Variants in KBTBD7 observed in about 807,000 individuals in gnomAD.
The protein encoded by KBTBD7 is kelch repeat and BTB domain-containing protein 7.
Under a neutral mutation model 50.3 loss-of-function variants are expected in KBTBD7, and 25 were observed. The ratio of observed to expected loss-of-function variants is 0.50; its 90% CI spans 0.36 to 0.69. The LOEUF is 0.69. KBTBD7 is among the 30% of genes least tolerant of loss of function. KBTBD7 has a pLI of 0.00. For synonymous variants in KBTBD7, 305 were observed against 325.3 expected (o/e 0.94, Z 0.67); for missense variants, 653 against 869.5 (o/e 0.75, Z 3.13).
At position 41,194,468 on chromosome 13, in the gene KBTBD7, CT is replaced by C; in HGVS notation, c.-212del. On this transcript the variant is annotated 5_prime_UTR_variant, in exon 1 of 1. Transcript: ENST00000379483. ...ACTCACCCTCTCTCACTCCCGCGCC[CT>C]TTCTCCGCCTCCGCTCGCCCTCACA... The C allele has an allele frequency of 1.5e-6, 1 of 651,920 alleles. No homozygotes were observed. The highest frequency in any genetic ancestry group is 2.6e-6 in the Non-Finnish European group (1 of 384,184). The allele number at this position is 651,920 out of a possible 1,614,324, so 40.4% of individuals were successfully genotyped here.
Position 41,193,335 on chromosome 13 carries a change from T to C in KBTBD7, c.923A>G (p.Tyr308Cys), listed in dbSNP as rs753566025. Residue 308 changes from tyrosine (Y) to cysteine (C), a missense_variant, in exon 1 of 1, where the codon TAC becomes TGC. Around this residue, in one of 3 missense-constraint regions of KBTBD7, gnomAD observed 526 missense variants for 717.1 expected, o/e 0.73. Transcript: ENST00000379483. The surrounding 1 kb of genome is among the most constrained non-coding windows in gnomAD (Gnocchi z 5.7). ...GTTTGGCACTGGCACCAGAGACTTG[T>C]ACAACAGGTCACCATAGCGCATCTG... is the stretch of plus-strand genomic sequence containing the variant. Reference protein sequence around the residue: ...ALQMRYGDLLYKSLVPVPNSS... With the variant: ...ALQMRYGDLLCKSLVPVPNSS... 1.9e-6 allele frequency: 3 copies of C among 1,611,504 alleles called. No homozygotes were observed. The highest frequency in any genetic ancestry group is 2.7e-5 in the African/African-American group (2 of 74,854).
chr13:41,192,757 G>T lies in KBTBD7; in HGVS notation c.1501C>A (p.His501Asn). Residue 501 changes from histidine to asparagine, a missense_variant, in exon 1 of 1, where the codon CAC becomes AAC. This residue lies in a region of KBTBD7 where 526 missense variants were observed against 717.1 expected (regional missense o/e 0.73). Transcript: ENST00000379483. ...SKRMLCYDPS[H>N]NMWLNCASLK... is the part of the protein sequence containing the mutation. ...GAAGCACAGTTCAGCCACATATTGTGGCTAGGATCATAGCAAAGCATGCGC... is the reference window on the plus strand; with the variant it reads ...GAAGCACAGTTCAGCCACATATTGTTGCTAGGATCATAGCAAAGCATGCGC... 6.2e-7 allele frequency: 1 copy of T among 1,614,148 alleles called. No individual in the cohort carries two copies. The highest frequency in any genetic ancestry group is 1.1e-5 in the South Asian group (1 of 91,084).
Position 41,192,158 on chromosome 13 carries a change from T to A in KBTBD7, c.*45A>T, listed in dbSNP as rs761716303. On this transcript the variant is annotated 3_prime_UTR_variant, in exon 1 of 1. Coordinates refer to ENST00000379483, the MANE Select transcript of KBTBD7 (RefSeq NM_032138.7). ...AAAAAGAAACGATATGTGTTTAAAA[T>A]ACATTCCGTAGCAGTAGAAACATCT... 1.0e-5 allele frequency: 16 copies of A among 1,530,944 alleles called. No individual in the cohort carries two copies. The Admixed American group carries it at 1.1e-4, about 10-fold the overall frequency. The allele number at this position is 1,530,944 out of a possible 1,614,324, so 94.8% of individuals were successfully genotyped here.
Position 41,192,287 on chromosome 13 carries a change from TC to T in KBTBD7, c.1970del (p.Gly657GlufsTer15). On this transcript the variant is annotated frameshift_variant, in exon 1 of 1. Coordinates refer to ENST00000379483, the MANE Select transcript of KBTBD7 (RefSeq NM_032138.7). LOFTEE classifies it high-confidence loss of function. ...CATCATCTGAAAAAGAACTTGAACT[TC>T]CTGACTCAGAGTCCAGCTCACTGAA... The part of the protein sequence containing the change: ...DGFSELDSES[G>X]SSSSFSDDEV... 1 of 1,614,178 alleles carries T rather than the reference TC, an allele frequency of 6.2e-7. No individual in the cohort carries two copies. Among genetic ancestry groups the T allele is most frequent in the South Asian group, 1.1e-5 (1 of 91,076 alleles).
At position 41,193,616 on chromosome 13, in the gene KBTBD7, TA is replaced by T; in HGVS notation, c.641del (p.Leu214GlnfsTer4). On this transcript the variant is annotated frameshift_variant, in exon 1 of 1. Coordinates refer to ENST00000379483, the MANE Select transcript of KBTBD7 (RefSeq NM_032138.7). LOFTEE classifies it high-confidence loss of function. This position sits in a 1 kb window ranked among gnomAD's most constrained non-coding sequence, Gnocchi z 5.7. Reference sequence around the variant, plus strand: ...GCAGCTGGGCCAGGGTTAGATCTGCTAGAGTCTCCTCCCGAATTGAACCCAT... The same window carrying T: ...GCAGCTGGGCCAGGGTTAGATCTGCTGAGTCTCCTCCCGAATTGAACCCAT... Reference protein sequence around the residue: ...SRMGSIREETLADLTLAQLLA... With the variant: ...SRMGSIREETXADLTLAQLLA... 6.2e-7 allele frequency: 1 copy of T among 1,614,226 alleles called. No individual in the cohort carries two copies. Among genetic ancestry groups the T allele is most frequent in the East Asian group, 2.2e-5 (1 of 44,880 alleles).
Position 41,192,871 on chromosome 13 carries a change from G to C in KBTBD7, c.1387C>G (p.Gln463Glu). 1.2e-6 allele frequency: 2 copies of C among 1,614,184 alleles called. No individual in the cohort carries two copies. The highest frequency in any genetic ancestry group is 1.7e-6 in the Non-Finnish European group (2 of 1,180,020). The change falls in exon 1 of 1, where the codon CAG (glutamine) becomes GAG (glutamate). Residue 463 changes from glutamine to glutamate, a missense_variant. Physicochemically the swap from Gln to Glu is conservative, Grantham distance 29. Coordinates refer to ENST00000379483, the MANE Select transcript of KBTBD7 (RefSeq NM_032138.7). ...GGGACAGGAGCCACCAATGCCCACT[G>C]GTTTCTCTGAACACTGTAGCATTCC... ...EVECYSVQRN[Q>E]WALVAPVPHS...
In KBTBD7 at chr13:41,193,463, C is replaced by T; in HGVS notation, c.795G>A (p.Val265=). 2.5e-6 allele frequency: 4 copies of T among 1,614,142 alleles called. No individual in the cohort carries two copies. Among genetic ancestry groups the T allele is most frequent in the Non-Finnish European group, 3.4e-6 (4 of 1,180,014 alleles). ...CTTCTTCAGTGAAGTGCATCCAGCG[C>T]ACGCACTTGAAGACTTCTGCAGCAC... ...GPSAAEVFKC[V]RWMHFTEEDQ... The change falls in exon 1 of 1, where the codon GTG becomes GTA. Residue 265 remains valine, a synonymous_variant. Coordinates refer to ENST00000379483, the MANE Select transcript of KBTBD7 (RefSeq NM_032138.7). This position sits in a 1 kb window ranked among gnomAD's most constrained non-coding sequence, Gnocchi z 5.7.
Position 41,193,829 on chromosome 13 carries a change from G to A in KBTBD7, c.429C>T (p.Arg143=). 2 of 1,614,138 alleles carry A rather than the reference G, an allele frequency of 1.2e-6. No individual in the cohort carries two copies. The highest frequency in any genetic ancestry group is 2.2e-5 in the South Asian group (2 of 91,078). ...RVSLSEANVQ[R]LYAASDMLQL... is the part of the protein sequence containing the mutation. Reference sequence around the variant, plus strand: ...GTAGCATGTCGGAGGCCGCGTACAGGCGCTGCACATTGGCCTCACTGAGAG... The same window carrying A: ...GTAGCATGTCGGAGGCCGCGTACAGACGCTGCACATTGGCCTCACTGAGAG... Residue 143 remains arginine, a synonymous_variant, in exon 1 of 1, where the codon CGC becomes CGT. Transcript: ENST00000379483. The surrounding 1 kb of genome is among the most constrained non-coding windows in gnomAD (Gnocchi z 5.7).
rs1206275963 is a variant in KBTBD7 at position 41,191,552 on chromosome 13, C to CTTTTTTTTTTTT, written c.*639_*650dup. On this transcript the variant is annotated 3_prime_UTR_variant, in exon 1 of 1. Coordinates refer to ENST00000379483, the MANE Select transcript of KBTBD7 (RefSeq NM_032138.7). Reference sequence around the variant, plus strand: ...TAAAACAGTGGAATCCTGATTTTTTCTTTTTTTTTTTTTTTTTTTTTACTT... The same window carrying CTTTTTTTTTTTT: ...TAAAACAGTGGAATCCTGATTTTTTCTTTTTTTTTTTTTTTTTTTTTTTTTTTTTTTTTACTT... 1.2e-4 allele frequency: 6 copies of CTTTTTTTTTTTT among 50,826 alleles called. No homozygotes were observed. The highest frequency in any genetic ancestry group is 4.0e-4 in the East Asian group (1 of 2,478). The allele number at this position is 50,826 out of a possible 1,614,324, so 3.1% of individuals were successfully genotyped here.
At position 41,193,179 on chromosome 13, in the gene KBTBD7, T is replaced by G; in HGVS notation, c.1079A>C (p.Asp360Ala). The G allele has an allele frequency of 6.2e-7, 1 of 1,613,896 alleles. No individual in the cohort carries two copies. Among genetic ancestry groups the G allele is most frequent in the Non-Finnish European group, 8.5e-7 (1 of 1,179,960 alleles). The change falls in exon 1 of 1, where the codon GAC becomes GCC. Residue 360 changes from aspartate to alanine, a missense_variant. Around this residue, in one of 3 missense-constraint regions of KBTBD7, gnomAD observed 526 missense variants for 717.1 expected, o/e 0.73. Coordinates refer to ENST00000379483, the MANE Select transcript of KBTBD7 (RefSeq NM_032138.7). This position sits in a 1 kb window ranked among gnomAD's most constrained non-coding sequence, Gnocchi z 5.7. ...TGTGTAAATGTCCCCCGAGTAAGGG[T>G]CATAGCAGAGAAAGGGATCTCTAGG... ...GHPRDPFLCY[D>A]PYSGDIYTMP...
rs2031403504 is a variant in KBTBD7, at chr13:41,192,120, C to CT, written c.*82dup. On this transcript the variant is annotated 3_prime_UTR_variant, in exon 1 of 1. Transcript: ENST00000379483. The stretch of plus-strand genomic sequence containing the variant: ...AAACCAAATCTGTGGTCCTAATCAA[C>CT]TTTTTTTCCAAGAAAAAGAAACGAT... 2.5e-5 allele frequency: 35 copies of CT among 1,421,904 alleles called. No individual in the cohort carries two copies. The highest frequency in any genetic ancestry group is 6.7e-5 in the Admixed American group (3 of 44,720). 88.1% of individuals were successfully genotyped at this position (1,421,904 alleles called of 1,614,324 possible). A position where few individuals can be genotyped will look rare whatever the true frequency, so the allele number is the denominator to read the frequency against.
In KBTBD7 at chr13:41,193,501, C is replaced by T. The variant is rs1421430967; in HGVS notation, c.757G>A (p.Glu253Lys). 7 of 1,614,230 alleles carry T rather than the reference C, an allele frequency of 4.3e-6. No homozygotes were observed. Among genetic ancestry groups the T allele is most frequent in the Non-Finnish European group, 5.9e-6 (7 of 1,180,052 alleles). Residue 253 changes from glutamate to lysine, a missense_variant, in exon 1 of 1, where the codon GAG becomes AAG. Physicochemically the swap from Glu to Lys is moderately conservative, Grantham distance 56. Around this residue, in one of 3 missense-constraint regions of KBTBD7, gnomAD observed 526 missense variants for 717.1 expected, o/e 0.73. Coordinates refer to ENST00000379483, the MANE Select transcript of KBTBD7 (RefSeq NM_032138.7). The surrounding 1 kb of genome is among the most constrained non-coding windows in gnomAD (Gnocchi z 5.7). ...ACTTCTGCAGCACTGGGACCCCGCTCTTTGGCAGCAGCCTCCAGCCACTGC... is the reference window on the plus strand; with the variant it reads ...ACTTCTGCAGCACTGGGACCCCGCTTTTTGGCAGCAGCCTCCAGCCACTGC... ...AVQWLEAAAKERGPSAAEVFK... is the reference protein window; with the variant it reads ...AVQWLEAAAKKRGPSAAEVFK...
rs1206275963 is a variant in KBTBD7 at position 41,191,552 on chromosome 13, CTTTTTTT to C, written c.*644_*650del. On this transcript the variant is annotated 3_prime_UTR_variant, in exon 1 of 1. Transcript: ENST00000379483. ...TAAAACAGTGGAATCCTGATTTTTT[CTTTTTTT>C]TTTTTTTTTTTTTTACTTTCTGTGA... 6 of 50,828 alleles carry C rather than the reference CTTTTTTT, an allele frequency of 1.2e-4. No homozygotes were observed. The highest frequency in any genetic ancestry group is 3.2e-4 in the Admixed American group (1 of 3,108). The allele number at this position is 50,828 out of a possible 1,614,324, so 3.1% of individuals were successfully genotyped here. A position where few individuals can be genotyped will look rare whatever the true frequency, so the allele number is the denominator to read the frequency against.
rs763387811 is a variant in KBTBD7, at chr13:41,193,117, T to A, written c.1141A>T (p.Thr381Ser). Residue 381 changes from threonine to serine, a missense_variant, in exon 1 of 1, where the codon ACT (threonine) becomes TCT (serine). Transcript: ENST00000379483. The surrounding 1 kb of genome is among the most constrained non-coding windows in gnomAD (Gnocchi z 5.7). Reference sequence around the variant, plus strand: ...ACACAGACAGCTGAGGAGGTGACAGTCTTAGTGTGAGCAAAGCTGGTCAAA... The same window carrying A: ...ACACAGACAGCTGAGGAGGTGACAGACTTAGTGTGAGCAAAGCTGGTCAAA... ...SPLTSFAHTK[T>S]VTSSAVCVSP... is the part of the protein sequence containing the mutation. 1 of 1,614,130 alleles carries A rather than the reference T, an allele frequency of 6.2e-7. No homozygotes were observed. The highest frequency in any genetic ancestry group is 1.7e-5 in the Admixed American group (1 of 60,026).
In KBTBD7 at chr13:41,193,732, T is replaced by C. The variant is rs369326188; in HGVS notation, c.526A>G (p.Ile176Val). The change falls in exon 1 of 1, where the codon ATC (isoleucine) becomes GTC (valine). Residue 176 changes from isoleucine to valine, a missense_variant. Ile to Val is a conservative substitution (Grantham distance 29, BLOSUM62 3). Around this residue, in one of 3 missense-constraint regions of KBTBD7, gnomAD observed 526 missense variants for 717.1 expected, o/e 0.73. Coordinates refer to ENST00000379483, the MANE Select transcript of KBTBD7 (RefSeq NM_032138.7). This position sits in a 1 kb window ranked among gnomAD's most constrained non-coding sequence, Gnocchi z 5.7. ...TCGAAGGCGTCTGCAAACTTGAGGA[T>C]GGCGGTGCAGTTGGTCAGGTCAAGA... Reference protein sequence around the residue: ...RRLDLTNCTAILKFADAFDHH... With the variant: ...RRLDLTNCTAVLKFADAFDHH... The C allele has an allele frequency of 4.3e-6, 7 of 1,614,088 alleles. No individual in the cohort carries two copies. In the African/African-American group the frequency reaches 8.0e-5, roughly 18 times the overall value.
chr13:41,192,129 C>T lies in KBTBD7; in HGVS notation c.*74G>A, dbSNP rs1593477796. On this transcript the variant is annotated 3_prime_UTR_variant, in exon 1 of 1. Transcript: ENST00000379483. ...CTGTGGTCCTAATCAACTTTTTTTCCAAGAAAAAGAAACGATATGTGTTTA... is the reference window on the plus strand; with the variant it reads ...CTGTGGTCCTAATCAACTTTTTTTCTAAGAAAAAGAAACGATATGTGTTTA... The T allele has an allele frequency of 6.8e-7, 1 of 1,462,242 alleles. No homozygotes were observed. The highest frequency in any genetic ancestry group is 9.2e-7 in the Non-Finnish European group (1 of 1,085,306). The allele number at this position is 1,462,242 out of a possible 1,614,324, so 90.6% of individuals were successfully genotyped here.
In KBTBD7 at chr13:41,192,994, A is replaced by C. The variant is rs767012238; in HGVS notation, c.1264T>G (p.Leu422Val). ...QNSWQQLADR[L>V]LCREGMDVAY... is the part of the protein sequence containing the mutation. ...ACATCCATGCCCTCACGACACAGCAAGCGATCTGCAAGTTGCTGCCAACTA... is the reference window on the plus strand; with the variant it reads ...ACATCCATGCCCTCACGACACAGCACGCGATCTGCAAGTTGCTGCCAACTA... Residue 422 changes from leucine to valine, a missense_variant, in exon 1 of 1, where the codon TTG becomes GTG. By Grantham distance (32) the Leu-to-Val change is conservative (BLOSUM62 1). Around this residue, in one of 3 missense-constraint regions of KBTBD7, gnomAD observed 526 missense variants for 717.1 expected, o/e 0.73. Coordinates refer to ENST00000379483, the MANE Select transcript of KBTBD7 (RefSeq NM_032138.7). 1 of 1,614,176 alleles carries C rather than the reference A, an allele frequency of 6.2e-7. No individual in the cohort carries two copies. The highest frequency in any genetic ancestry group is 1.1e-5 in the South Asian group (1 of 91,086).
Position 41,191,694 on chromosome 13 carries a change from A to G in KBTBD7, c.*509T>C, listed in dbSNP as rs1018061261. On this transcript the variant is annotated 3_prime_UTR_variant, in exon 1 of 1. Coordinates refer to ENST00000379483, the MANE Select transcript of KBTBD7 (RefSeq NM_032138.7). ...GAAGAAAACCAAAATAATTTTACAA[A>G]CTACATTTAACTTAGAATATAAAGA... is the stretch of plus-strand genomic sequence containing the variant. The G allele has an allele frequency of 1.3e-5, 2 of 151,748 alleles. No homozygotes were observed. Among genetic ancestry groups the G allele is most frequent in the African/African-American group, 4.8e-5 (2 of 41,354 alleles). 9.4% of individuals were successfully genotyped at this position (151,748 alleles called of 1,614,324 possible).
At position 41,193,630 on chromosome 13, in the gene KBTBD7, G is replaced by A. The variant is rs567083359; in HGVS notation, c.628C>T (p.Arg210Trp). The A allele has an allele frequency of 3.0e-5, 49 of 1,614,172 alleles. 1 individual carries two copies. In the South Asian group the frequency reaches 4.5e-4, roughly 15 times the overall value. ...GTTAGATCTGCTAGAGTCTCCTCCC[G>A]AATTGAACCCATTCGGCTGAGCTGC... ...FKQLSRMGSIREETLADLTLA... is the reference protein window; with the variant it reads ...FKQLSRMGSIWEETLADLTLA... Residue 210 changes from arginine (R) to tryptophan (W), a missense_variant, in exon 1 of 1, where the codon CGG becomes TGG. This residue lies in a region of KBTBD7 where 526 missense variants were observed against 717.1 expected (regional missense o/e 0.73). Transcript: ENST00000379483. The surrounding 1 kb of genome is among the most constrained non-coding windows in gnomAD (Gnocchi z 5.7).
Sources: gnomAD v4.1 joint callset for allele counts on GRCh38, gnomAD v4.1.1 for gene constraint, gnomAD v4.1.1 regional missense constraint, Gnocchi (gnomAD v3.1) non-coding constraint, MANE v1.5 for transcripts, NCBI Gene and HGNC (gene_info 2026-07-23, HGNC 2026-07-21) for gene names.